Variants in SLC17A6 observed in about 807,000 individuals in gnomAD.
SLC17A6 encodes the protein solute carrier family 17 member 6, also known as vesicular glutamate transporter 2.
SLC17A6 carries 35 observed loss-of-function variants against 67.1 expected under a neutral mutation model. The observed-to-expected ratio is 0.52, with a 90% CI of 0.40 to 0.69. The LOEUF is 0.69. Ranked by LOEUF, SLC17A6 falls within the 30% of genes least tolerant of loss-of-function variation. SLC17A6 has a pLI of 0.00. For missense variants in SLC17A6, 588 were observed against 723.9 expected (o/e 0.81, Z 2.15); for synonymous variants, 285 against 252.3 (o/e 1.13, Z -1.23).
At chr11:22,375,873 C>T (rs1361464961) in intron 9 of SLC17A6, 109 bp from the exon 10 acceptor site, 3 of 629,338 alleles carry the variant, frequency 4.8e-6, no homozygotes, top group Non-Finnish European at 8.4e-6. Flanking sequence ...AAGATAGACT[C>T]TCTGAAGTGG....
intron 7 of SLC17A6, among the ~76,000 whole-genome samples, chr11:22,367,579 G>A (rs1856127310): frequency 6.6e-6 from 1 of 152,108 alleles, no homozygotes; most frequent in Admixed American, 6.6e-5. Flanking sequence ...TTGAGCAGAA[G>A]TTCTGAGTTT....
At position 22,374,903 on chromosome 11, in the gene SLC17A6, G is replaced by T. The variant is rs773155318; in HGVS notation, c.1174+16G>T. Reference sequence around the variant, plus strand: ...AATTGTGGTGGTAAGTACATAAGTGGCACTAAGGACATGTTTTTAGTTCAA... The same window carrying T: ...AATTGTGGTGGTAAGTACATAAGTGTCACTAAGGACATGTTTTTAGTTCAA... On this transcript the variant is annotated intron_variant, in intron 9 of 11. Coordinates refer to ENST00000263160, the MANE Select transcript of SLC17A6 (RefSeq NM_020346.3). The T allele has an allele frequency of 1.3e-5, 21 of 1,600,510 alleles. No homozygotes were observed. In the South Asian group the frequency reaches 1.9e-4, roughly 15 times the overall value.
chr11:22,347,702 G>A (rs1053426985), intron 3 of SLC17A6, among the ~76,000 whole-genome samples: 2 of 151,910 alleles, frequency 1.3e-5, no homozygotes, highest in South Asian at 2.1e-4. Flanking sequence ...TAAAAATTCC[G>A]TAAATTTTAT....
rs1856271526 is a variant in SLC17A6 at position 22,379,415 on chromosome 11, T to C, written c.*1675T>C. On this transcript the variant is annotated 3_prime_UTR_variant, in exon 12 of 12. Coordinates refer to ENST00000263160, the MANE Select transcript of SLC17A6 (RefSeq NM_020346.3). The stretch of plus-strand genomic sequence containing the variant: ...AAGTGATGTAATGTGATCACAGCTT[T>C]TGTTGTGTTGAATGAAAATATGTGG... 1 of 152,622 alleles carries C rather than the reference T, an allele frequency of 6.6e-6. No individual in the cohort carries two copies. Among genetic ancestry groups the C allele is most frequent in the African/African-American group, 2.4e-5 (1 of 41,466 alleles). 9.5% of individuals were successfully genotyped at this position (152,622 alleles called of 1,614,324 possible).
chr11:22,339,159 A>T (rs1354407583), intron 1 of SLC17A6, among the ~76,000 whole-genome samples: 1 of 53,920 alleles, frequency 1.9e-5, no homozygotes, highest in African/African-American at 8.0e-5. Context: ...ATAGTTATAT[A>T]TATATGTTAT....
chr11:22,362,633 A>C (rs989638087), intron 5 of SLC17A6, 106 bp from the exon 6 acceptor site: 2 of 870,042 alleles, frequency 2.3e-6, no homozygotes, highest in African/African-American at 3.3e-5. Flanking sequence ...AGGCCCATGT[A>C]CCTGAGTGTT....
chr11:22,344,811 T>C (rs190057598), intron 3 of SLC17A6, among the ~76,000 whole-genome samples: 2 of 152,306 alleles, frequency 1.3e-5, no homozygotes, highest in East Asian at 3.9e-4. Context: ...ATTAAAGACA[T>C]TCTGTCAAAT....
At chr11:22,365,495 C>T (rs967714509) in intron 6 of SLC17A6, 52 bp from the exon 7 acceptor site, 61 of 1,587,934 alleles carry the variant, frequency 3.8e-5, no homozygotes, top group Middle Eastern at 1.7e-4. Context: ...TTTATTGCAG[C>T]ACATCACTGT....
rs1856024043 is a variant in SLC17A6, at chr11:22,359,307, G to A, written c.459-106G>A. 8.7e-6 allele frequency: 5 copies of A among 572,580 alleles called. No homozygotes were observed. In the Admixed American group the frequency reaches 1.7e-4, roughly 19 times the overall value. 35.5% of individuals were successfully genotyped at this position (572,580 alleles called of 1,614,324 possible). A position where few individuals can be genotyped will look rare whatever the true frequency, so the allele number is the denominator to read the frequency against. On this transcript the variant is annotated intron_variant, in intron 3 of 11. Coordinates refer to ENST00000263160, the MANE Select transcript of SLC17A6 (RefSeq NM_020346.3). ...AAAACAATCTACCTTAAAATTATTGGCGATTTTTTTATTACTTTAAATGTT... is the reference window on the plus strand; with the variant it reads ...AAAACAATCTACCTTAAAATTATTGACGATTTTTTTATTACTTTAAATGTT...
chr11:22,366,735 T>C (rs1486896768), intron 7 of SLC17A6, among the ~76,000 whole-genome samples: 1 of 152,162 alleles, frequency 6.6e-6, no homozygotes, highest in Admixed American at 6.5e-5. Flanking sequence ...CTGGGCACGG[T>C]GGCTCACGCC....
intron 3 of SLC17A6, among the ~76,000 whole-genome samples, chr11:22,348,772 G>A (rs767118693): frequency 6.4e-4 from 97 of 152,128 alleles, no homozygotes; most frequent in Non-Finnish European, 9.0e-4. Context: ...GTGTACATTT[G>A]TATTTATAAA....
chr11:22,376,475 G>A (rs763346503), intron 10 of SLC17A6, 70 bp from the exon 11 acceptor site: 1 of 1,561,582 alleles, frequency 6.4e-7, no homozygotes, highest in South Asian at 1.1e-5. Context: ...GTTGTGATGT[G>A]TGGTTCTATA....
chr11:22,348,165 A>C (rs1434886864), intron 3 of SLC17A6, among the ~76,000 whole-genome samples: 1 of 152,208 alleles, frequency 6.6e-6, no homozygotes, highest in East Asian at 1.9e-4. Flanking sequence ...CTGATGATAC[A>C]TGATGGCAAG....
At chr11:22,350,303 A>G (rs1419596038) in intron 3 of SLC17A6, among the ~76,000 whole-genome samples, 2 of 152,186 alleles carry the variant, frequency 1.3e-5, no homozygotes, top group East Asian at 1.9e-4. Context: ...AAGAACATCA[A>G]TGTGCATAAA....
Position 22,374,821 on chromosome 11 carries a change from G to A in SLC17A6, c.1108G>A (p.Ala370Thr), listed in dbSNP as rs1248046640. The stretch of plus-strand genomic sequence containing the variant: ...TATTGTGCCTATTGGGGGACAAATT[G>A]CAGATTTTCTAAGAAGCAAGCAGAT... The part of the protein sequence containing the change: ...TIIVPIGGQI[A>T]DFLRSKQILS... Residue 370 changes from alanine to threonine, a missense_variant, in exon 9 of 12, where the codon GCA (alanine) becomes ACA (threonine). Ala to Thr is a moderately conservative substitution (Grantham distance 58, BLOSUM62 0). Transcript: ENST00000263160. The A allele has an allele frequency of 1.2e-6, 2 of 1,613,684 alleles. No homozygotes were observed. The highest frequency in any genetic ancestry group is 1.1e-5 in the South Asian group (1 of 91,048).
chr11:22,365,587 G>A lies in SLC17A6; in HGVS notation c.789G>A (p.Val263=). The stretch of plus-strand genomic sequence containing the variant: ...TCTGGTACATGTTTTGGCTTTTGGT[G>A]TCTTATGAAAGTCCTGCAAAGCATC... ...GMVWYMFWLL[V]SYESPAKHPT... Residue 263 remains valine, a synonymous_variant, in exon 7 of 12, where the codon GTG becomes GTA. Transcript: ENST00000263160. The A allele has an allele frequency of 1.2e-6, 2 of 1,614,050 alleles. No homozygotes were observed. Among genetic ancestry groups the A allele is most frequent in the East Asian group, 4.5e-5 (2 of 44,860 alleles).
intron 7 of SLC17A6, among the ~76,000 whole-genome samples, chr11:22,366,820 C>G (rs896048353): frequency 3.0e-4 from 46 of 152,048 alleles, no homozygotes; most frequent in African/African-American, 1.1e-3. Flanking sequence ...GTCTGGCCAA[C>G]ATGGGAAACC....
chr11:22,376,381 C>T lies in SLC17A6; in HGVS notation c.1286-164C>T, dbSNP rs556346121. ...ATTAAGTATTAGATAAGAATTCATACCTCATTCTATTCTCATTATATCCCC... is the reference window on the plus strand; with the variant it reads ...ATTAAGTATTAGATAAGAATTCATATCTCATTCTATTCTCATTATATCCCC... On this transcript the variant is annotated intron_variant, in intron 10 of 11. Coordinates refer to ENST00000263160, the MANE Select transcript of SLC17A6 (RefSeq NM_020346.3). Among the ~76,000 whole-genome samples, 7 of 152,020 alleles carry T rather than the reference C, an allele frequency of 4.6e-5. No individual in the cohort carries two copies. In the South Asian group the frequency reaches 1.2e-3, roughly 27 times the overall value.
intron 10 of SLC17A6, 109 bp downstream of exon 10, chr11:22,376,201 T>A: frequency 1.6e-6 from 1 of 612,148 alleles, no homozygotes; most frequent in Non-Finnish European, 2.7e-6. Flanking sequence ...ATATTCTATA[T>A]GTTGAATAAT....
Sources: allele counts gnomAD v4.1 joint callset (sites outside exome capture counted in the v4.1 genomes callset), GRCh38; gene constraint gnomAD v4.1.1; transcripts MANE v1.5; gene names NCBI Gene and HGNC (gene_info 2026-07-23, HGNC 2026-07-21).